Variants in PRELID2 observed in about 807,000 individuals in gnomAD.
PRELID2 encodes PRELI domain containing 2.
Under a neutral mutation model 28.4 loss-of-function variants are expected in PRELID2, and 25 were observed. That is an observed-to-expected ratio of 0.88 (90% CI 0.64 to 1.23). PRELID2 has a LOEUF of 1.23. Among genes scored for constraint, PRELID2 ranks in the 50% most tolerant of loss-of-function variants. The pLI is 0.00. For missense variants in PRELID2, 201 were observed against 214.4 expected (o/e 0.94, Z 0.39); for synonymous variants, 76 against 71.6 (o/e 1.06, Z -0.31).
chr5:145,390,518 G>T, the PRELID2 span, among the ~76,000 whole-genome samples: 1 of 152,088 alleles, frequency 6.6e-6, no homozygotes, highest in East Asian at 1.9e-4. Context: ...CAGCATAAGG[G>T]TAACTGCCCC....
At chr5:145,532,795 T>C (rs544153236) in intron 1 of PRELID2, among the ~76,000 whole-genome samples, 4 of 152,172 alleles carry the variant, frequency 2.6e-5, no homozygotes, top group Non-Finnish European at 5.9e-5. Context: ...TGACAGGATT[T>C]TCTTCTGTTT....
At chr5:145,719,909 C>T (rs544393747) in intron 1 of PRELID2, among the ~76,000 whole-genome samples, 3 of 151,256 alleles carry the variant, frequency 2.0e-5, no homozygotes, top group African/African-American at 4.8e-5. Context: ...CAGAAATGTA[C>T]ATAAAACAGA....
intron 1 of PRELID2, among the ~76,000 whole-genome samples, chr5:145,740,647 A>T (rs1466888098): frequency 3.7e-5 from 4 of 109,104 alleles, no homozygotes; most frequent in South Asian, 2.7e-4. Flanking sequence ...AAATATATAT[A>T]TTTTATATAT....
the PRELID2 span, among the ~76,000 whole-genome samples, chr5:145,396,217 A>G: frequency 6.6e-6 from 1 of 152,156 alleles, no homozygotes; most frequent in South Asian, 2.1e-4. Context: ...AATAACAACC[A>G]ACATCCTCTA....
the PRELID2 span, among the ~76,000 whole-genome samples, chr5:145,341,972 G>A: frequency 1.3e-5 from 2 of 152,086 alleles, no homozygotes; most frequent in Non-Finnish European, 2.9e-5. Context: ...GACTCTCTAA[G>A]GTCAAAGATA....
the PRELID2 span, among the ~76,000 whole-genome samples, chr5:145,445,741 AAC>A: frequency 0.78 from 116,596 of 149,086 alleles, 45,538 homozygotes; most frequent in African/African-American, 0.83. Flanking sequence ...TGTCTCACAA[AAC>A]ACACACACAC....
At chr5:145,433,591 T>G in the PRELID2 span, among the ~76,000 whole-genome samples, 1 of 152,138 alleles carries the variant, frequency 6.6e-6, no homozygotes, top group Non-Finnish European at 1.5e-5. Context: ...GAATCATCCT[T>G]GCCTCAGTCC....
At chr5:145,827,302 A>C (rs575673803) in intron 1 of PRELID2, among the ~76,000 whole-genome samples, 1 of 152,356 alleles carries the variant, frequency 6.6e-6, no homozygotes, top group Admixed American at 6.5e-5. Flanking sequence ...TCAGAAGAAA[A>C]GCAAAGTTGA....
chr5:145,248,231 A>G, the PRELID2 span, among the ~76,000 whole-genome samples: 16 of 152,146 alleles, frequency 1.1e-4, no homozygotes, highest in African/African-American at 3.9e-4. Context: ...TAACCCTCGT[A>G]TATGTATGGG....
chr5:145,572,709 T>C (rs761081772), intron 1 of PRELID2, among the ~76,000 whole-genome samples: 4 of 152,176 alleles, frequency 2.6e-5, no homozygotes, highest in Non-Finnish European at 5.9e-5. Context: ...TAGGGAAGGA[T>C]GCAGTCCATC....
chr5:145,579,844 AT>A (rs1442137542), intron 1 of PRELID2, among the ~76,000 whole-genome samples: 1 of 152,016 alleles, frequency 6.6e-6, no homozygotes, highest in African/African-American at 2.4e-5. Context: ...CATCTCTCTT[AT>A]ACTATCTCCC....
the PRELID2 span, among the ~76,000 whole-genome samples, chr5:145,389,797 G>A: frequency 2.6e-5 from 4 of 152,076 alleles, no homozygotes; most frequent in Non-Finnish European, 4.4e-5. Context: ...AGGCTAAGGT[G>A]GTATACGAAC....
chr5:145,764,872 C>G, intron 6 of PRELID2, 59 bp downstream of exon 6: 1 of 1,255,100 alleles, frequency 8.0e-7, no homozygotes, highest in Non-Finnish European at 1.2e-6. Context: ...GAATACCAGG[C>G]TGATAAGCAT....
chr5:145,549,299 AG>A (rs1561504102), intron 1 of PRELID2, among the ~76,000 whole-genome samples: 1 of 152,204 alleles, frequency 6.6e-6, no homozygotes, highest in Non-Finnish European at 1.5e-5. Flanking sequence ...TGGGACAAAG[AG>A]GGTATTTAAA....
intron 1 of PRELID2, among the ~76,000 whole-genome samples, chr5:145,485,270 G>A (rs11167903): frequency 2.0e-5 from 3 of 152,062 alleles, no homozygotes; most frequent in East Asian, 1.9e-4. Flanking sequence ...TGAGGACAGG[G>A]TTCTAGGCAG....
chr5:145,349,311 TG>T, the PRELID2 span, among the ~76,000 whole-genome samples: 1 of 152,188 alleles, frequency 6.6e-6, no homozygotes, highest in Non-Finnish European at 1.5e-5. Flanking sequence ...ATTATATTTT[TG>T]GGACTTTGCT....
intron 1 of PRELID2, chr5:145,728,999 C>A: frequency 1.4e-6 from 1 of 727,536 alleles, no homozygotes. Flanking sequence ...AGGGGTCCCA[C>A]TCCCTCCTGG....
At chr5:145,310,857 C>CTT in the PRELID2 span, among the ~76,000 whole-genome samples, 1 of 148,298 alleles carries the variant, frequency 6.7e-6, no homozygotes, top group Non-Finnish European at 1.5e-5. Flanking sequence ...TTTCATCTCC[C>CTT]TTTTTTTTTT....
the PRELID2 span, among the ~76,000 whole-genome samples, chr5:145,282,833 T>C: frequency 1.3e-5 from 2 of 152,194 alleles, no homozygotes; most frequent in Non-Finnish European, 2.9e-5. Flanking sequence ...ACAGTTATTC[T>C]TGAGTGTCAT....
Sources: allele counts gnomAD v4.1 joint callset (sites outside exome capture counted in the v4.1 genomes callset), GRCh38; gene constraint gnomAD v4.1.1; transcripts MANE v1.5; gene names NCBI Gene and HGNC (gene_info 2026-07-23, HGNC 2026-07-21).